The following BTBD7 variants were observed in gnomAD, a reference collection of about 807,000 sequenced individuals.
The protein encoded by BTBD7 is BTB domain containing 7, also known as BTB/POZ domain-containing protein 7.
BTBD7 carries 38 observed loss-of-function variants against 99.9 expected under a neutral mutation model. The observed-to-expected ratio is 0.38, with a 90% CI of 0.29 to 0.50. BTBD7 has a LOEUF of 0.50. BTBD7 is among the 20% of genes least tolerant of loss of function. BTBD7 has a pLI of 0.93. For synonymous variants in BTBD7, 520 were observed against 511.4 expected (o/e 1.02, Z -0.23); for missense variants, 1,170 against 1,394.6 (o/e 0.84, Z 2.57).
intron 1 of BTBD7, among the ~76,000 whole-genome samples, chr14:93,298,865 G>C (rs2052960553): frequency 6.6e-6 from 1 of 152,240 alleles, no homozygotes; most frequent in Non-Finnish European, 1.5e-5. Context: ...AGGGAAGTCA[G>C]AGGCTGAGCT....
intron 1 of BTBD7, among the ~76,000 whole-genome samples, chr14:93,331,149 T>C (rs554052683): frequency 6.6e-6 from 1 of 152,138 alleles, no homozygotes; most frequent in Non-Finnish European, 1.5e-5. Context: ...GCTGTCAGAA[T>C]GAGACAGAGG....
intron 1 of BTBD7, among the ~76,000 whole-genome samples, chr14:93,296,366 C>G (rs1245951734): frequency 6.6e-6 from 1 of 152,114 alleles, no homozygotes; most frequent in African/African-American, 2.4e-5. Context: ...CAATTATATA[C>G]TTTCTAAGTC....
intron 1 of BTBD7, among the ~76,000 whole-genome samples, chr14:93,314,068 T>C (rs1476536664): frequency 6.6e-6 from 1 of 152,202 alleles, no homozygotes; most frequent in Non-Finnish European, 1.5e-5. Flanking sequence ...CTTAGTGTTC[T>C]TGTAGTATTT....
At chr14:93,302,277 G>C (rs542359597) in intron 1 of BTBD7, among the ~76,000 whole-genome samples, 10 of 152,266 alleles carry the variant, frequency 6.6e-5, no homozygotes, top group Non-Finnish European at 1.2e-4. Context: ...TAAAGCCTTG[G>C]GATTAGTGGG....
intron 1 of BTBD7, among the ~76,000 whole-genome samples, chr14:93,321,103 T>C (rs898975997): frequency 3.9e-5 from 6 of 152,172 alleles, no homozygotes; most frequent in African/African-American, 1.2e-4. Context: ...AAATTTCACT[T>C]TGTATAATAA....
intron 1 of BTBD7, among the ~76,000 whole-genome samples, chr14:93,314,789 T>G (rs1013376500): frequency 1.5e-4 from 23 of 152,344 alleles, no homozygotes; most frequent in Admixed American, 1.4e-3. Context: ...TCCAAAATGC[T>G]GGACATTATT....
In BTBD7 at chr14:93,261,632, G is replaced by A. The variant is rs1191343282; in HGVS notation, c.1417C>T (p.His473Tyr). The A allele has an allele frequency of 1.9e-6, 3 of 1,611,792 alleles. No individual in the cohort carries two copies. Among genetic ancestry groups the A allele is most frequent in the Non-Finnish European group, 2.5e-6 (3 of 1,179,032 alleles). Residue 473 changes from histidine (H) to tyrosine (Y), a missense_variant, in exon 5 of 11, where the codon CAT (histidine) becomes TAT (tyrosine). Physicochemically the swap from His to Tyr is moderately conservative, Grantham distance 83. This residue lies in a region of BTBD7 where 309 missense variants were observed against 342.0 expected (regional missense o/e 0.90). Coordinates refer to ENST00000334746, the MANE Select transcript of BTBD7 (RefSeq NM_001002860.4). ...TCTGCTATTCTTTTCATCAACTGAT[G>A]CTCTCCCCATTTAATCAGATATTTA... ...ILKYLIKWGE[H>Y]QLMKRIADRE...
At chr14:93,271,108 T>C (rs1232827045) in intron 3 of BTBD7, among the ~76,000 whole-genome samples, 1 of 152,242 alleles carries the variant, frequency 6.6e-6, no homozygotes, top group Non-Finnish European at 1.5e-5. Flanking sequence ...GCATGTTAAA[T>C]AGGATCACTT....
chr14:93,271,868 T>A (rs575618969), intron 3 of BTBD7, among the ~76,000 whole-genome samples: 1 of 151,904 alleles, frequency 6.6e-6, no homozygotes, highest in East Asian at 1.9e-4. Flanking sequence ...TAGGTGGGTA[T>A]AATGGTGCAT....
intron 3 of BTBD7, among the ~76,000 whole-genome samples, chr14:93,290,511 CTT>C (rs10548430): frequency 0.23 from 17,613 of 76,748 alleles, 1,759 homozygotes; most frequent in Admixed American, 0.28. Flanking sequence ...TGCACTTGGC[CTT>C]TTTTTTTTTT....
chr14:93,301,121 G>A (rs1025867938), intron 1 of BTBD7, among the ~76,000 whole-genome samples: 1 of 152,032 alleles, frequency 6.6e-6, no homozygotes, highest in Non-Finnish European at 1.5e-5. Flanking sequence ...TTGGGAGACT[G>A]AGGCAGGAGG....
At chr14:93,276,437 G>C (rs1374218054) in intron 3 of BTBD7, among the ~76,000 whole-genome samples, 1 of 152,138 alleles carries the variant, frequency 6.6e-6, no homozygotes, top group African/African-American at 2.4e-5. Context: ...CAAAGTGGAA[G>C]GGTGGGGGAC....
intron 1 of BTBD7, among the ~76,000 whole-genome samples, chr14:93,331,879 T>TCCCCCCCCCCC (rs71129629): frequency 1.5e-5 from 2 of 133,110 alleles, no homozygotes; most frequent in African/African-American, 3.4e-5. Flanking sequence ...AGACTCCGTC[T>TCCCCCCCCCCC]CCCCCCCCCC....
chr14:93,323,917 T>C (rs921174747), intron 1 of BTBD7, among the ~76,000 whole-genome samples: 5 of 152,242 alleles, frequency 3.3e-5, no homozygotes, highest in Non-Finnish European at 5.9e-5. Context: ...CTATTACTTG[T>C]TGTGTGACAC....
intron 1 of BTBD7, among the ~76,000 whole-genome samples, chr14:93,331,553 TAAAGGA>T (rs2053410070): frequency 6.6e-6 from 1 of 152,292 alleles, no homozygotes; most frequent in South Asian, 2.1e-4. Flanking sequence ...TTCAGCAATC[TAAAGGA>T]AACAGATGCT....
intron 3 of BTBD7, among the ~76,000 whole-genome samples, chr14:93,264,422 A>G (rs2052520792): frequency 1.3e-5 from 2 of 152,212 alleles, no homozygotes; most frequent in African/African-American, 2.4e-5. Flanking sequence ...GTGGGCTGCC[A>G]GCTATGCAGA....
chr14:93,251,616 G>C lies in BTBD7; in HGVS notation c.1789C>G (p.Leu597Val). 6.2e-7 allele frequency: 1 copy of C among 1,613,290 alleles called. No individual in the cohort carries two copies. The highest frequency in any genetic ancestry group is 8.5e-7 in the Non-Finnish European group (1 of 1,179,444). ...ATTCTAACCATTCGCAAGCGCACAA[G>C]ATCCGTTTGTTCCACCATCATCTCA... ...LDEMMVEQTDLVRLRMVRMSN... is the reference protein window; with the variant it reads ...LDEMMVEQTDVVRLRMVRMSN... The change falls in exon 8 of 11, where the codon CTT (leucine) becomes GTT (valine). Residue 597 changes from leucine to valine, a missense_variant. By Grantham distance (32) the Leu-to-Val change is conservative (BLOSUM62 1). Transcript: ENST00000334746.
At chr14:93,286,163 C>A (rs985781025) in intron 3 of BTBD7, among the ~76,000 whole-genome samples, 1 of 152,198 alleles carries the variant, frequency 6.6e-6, no homozygotes, top group Non-Finnish European at 1.5e-5. Flanking sequence ...TCTATAGTCC[C>A]TGCTTTTCTG....
chr14:93,316,254 C>CTTTTTT (rs71129627), intron 1 of BTBD7, among the ~76,000 whole-genome samples: 9,880 of 146,544 alleles, frequency 0.067, 732 homozygotes, highest in African/African-American at 0.18. Context: ...CATGCCCAGT[C>CTTTTTT]TTTTTTTTTT....
Sources: gnomAD v4.1 joint callset for allele counts (sites outside exome capture counted in the v4.1 genomes callset) on GRCh38, gnomAD v4.1.1 for gene constraint, gnomAD v4.1.1 regional missense constraint, MANE v1.5 for transcripts, NCBI Gene and HGNC (gene_info 2026-07-23, HGNC 2026-07-21) for gene names.